RBFOX1: variants seen among roughly 807,000 people sequenced by gnomAD.
The protein encoded by RBFOX1 is RNA binding fox-1 homolog 1, also known as RNA binding protein fox-1 homolog 1.
RBFOX1 carries 8 observed loss-of-function variants against 57.7 expected under a neutral mutation model. That is an observed-to-expected ratio of 0.14 (90% confidence interval 0.08 to 0.25). RBFOX1 has a LOEUF of 0.25. RBFOX1 is among the 10% of genes least tolerant of loss of function. The probability of loss-of-function intolerance (pLI) is 1.00; values close to 1 mark genes in which losing one functional copy is unlikely to be tolerated. For synonymous variants in RBFOX1, 326 were observed against 222.4 expected (o/e 1.47, Z -4.15); for missense variants, 611 against 548.5 (o/e 1.11, Z -1.14).
intron 2 of RBFOX1, among the ~76,000 whole-genome samples, chr16:6,494,095 C>A (rs886331762): frequency 3.9e-5 from 6 of 152,154 alleles, no homozygotes; most frequent in Non-Finnish European, 8.8e-5. Context: ...GTAGCATATG[C>A]AGTTGTAAGA....
intron 4 of RBFOX1, among the ~76,000 whole-genome samples, chr16:7,299,517 C>CTG (rs1293524161): frequency 1.3e-5 from 2 of 152,162 alleles, no homozygotes; most frequent in African/African-American, 4.8e-5. Flanking sequence ...GCAATTGCTG[C>CTG]TGAATGGTTG....
chr16:7,518,205 A>G lies in RBFOX1; in HGVS notation c.86A>G (p.Gln29Arg). Reference sequence around the variant, plus strand: ...ATGGCTCAGCCTTACGCTTCGGCCCAGTTTGCTCCCCCGCAGAACGGTATC... The same window carrying G: ...ATGGCTCAGCCTTACGCTTCGGCCCGGTTTGCTCCCCCGCAGAACGGTATC... The part of the protein sequence containing the change: ...DTMAQPYASA[Q>R]FAPPQNGIPA... The change falls in exon 5 of 16, where the codon CAG becomes CGG. Residue 29 changes from glutamine (Q) to arginine (R), a missense_variant. Gln to Arg is a conservative substitution (Grantham distance 43). Around this residue, in one of 3 missense-constraint regions of RBFOX1, gnomAD observed 245 missense variants for 159.1 expected, o/e 1.54. Coordinates refer to ENST00000550418, the MANE Select transcript of RBFOX1 (RefSeq NM_018723.4). The G allele has an allele frequency of 6.2e-7, 1 of 1,613,962 alleles. No homozygotes were observed. Among genetic ancestry groups the G allele is most frequent in the Non-Finnish European group, 8.5e-7 (1 of 1,179,958 alleles).
At chr16:6,975,859 G>A (rs2086708887) in intron 3 of RBFOX1, among the ~76,000 whole-genome samples, 1 of 152,136 alleles carries the variant, frequency 6.6e-6, no homozygotes, top group South Asian at 2.1e-4. Context: ...GGGTATGGTG[G>A]TGCACACCTG....
At chr16:6,540,159 A>C (rs1343076419) in intron 2 of RBFOX1, among the ~76,000 whole-genome samples, 1 of 152,074 alleles carries the variant, frequency 6.6e-6, no homozygotes, top group Non-Finnish European at 1.5e-5. Flanking sequence ...TGGCTTGGGG[A>C]ATCCTATTTG....
intron 4 of RBFOX1, among the ~76,000 whole-genome samples, chr16:7,105,428 C>G (rs1353699489): frequency 6.6e-6 from 1 of 151,978 alleles, no homozygotes; most frequent in African/African-American, 2.4e-5. Context: ...ACACCCATCA[C>G]TCAAGCAGTA....
chr16:6,622,238 A>G (rs1265654449), intron 2 of RBFOX1, among the ~76,000 whole-genome samples: 1 of 152,210 alleles, frequency 6.6e-6, no homozygotes, highest in Non-Finnish European at 1.5e-5. Flanking sequence ...GCACCACATA[A>G]TGACGTTTCA....
intron 11 of RBFOX1, among the ~76,000 whole-genome samples, chr16:7,638,308 G>A (rs894698048): frequency 1.3e-5 from 2 of 152,154 alleles, no homozygotes; most frequent in Non-Finnish European, 2.9e-5. Flanking sequence ...CCTTTTCTCA[G>A]GAGGAAATTT....
At chr16:5,428,736 G>A (rs1407604045) in intron 1 of RBFOX1, among the ~76,000 whole-genome samples, 2 of 152,092 alleles carry the variant, frequency 1.3e-5, no homozygotes, top group Admixed American at 1.3e-4. Context: ...TGGAGAGGAG[G>A]CCAGGAGGTT....
chr16:5,370,919 C>T (rs1404161140), intron 1 of RBFOX1, among the ~76,000 whole-genome samples: 1 of 152,190 alleles, frequency 6.6e-6, no homozygotes, highest in East Asian at 1.9e-4. Context: ...GTCCATTTCC[C>T]AAATTCACAT....
At chr16:6,766,804 T>C (rs1324328819) in intron 3 of RBFOX1, among the ~76,000 whole-genome samples, 1 of 152,030 alleles carries the variant, frequency 6.6e-6, no homozygotes, top group African/African-American at 2.4e-5. Context: ...TTAGTGACTT[T>C]GGTGAAGTTT....
intron 4 of RBFOX1, among the ~76,000 whole-genome samples, chr16:7,462,174 C>T (rs542417525): frequency 4.6e-5 from 7 of 152,280 alleles, no homozygotes; most frequent in East Asian, 1.9e-4. Flanking sequence ...AGGGAAACAG[C>T]GGGTCACAAA....
chr16:7,101,582 A>G (rs2062701860), intron 4 of RBFOX1, among the ~76,000 whole-genome samples: 1 of 152,186 alleles, frequency 6.6e-6, no homozygotes, highest in Non-Finnish European at 1.5e-5. Flanking sequence ...GTGCTTTTGG[A>G]AAAGATCATA....
At chr16:7,120,978 G>A (rs568234243) in intron 4 of RBFOX1, among the ~76,000 whole-genome samples, 3 of 151,692 alleles carry the variant, frequency 2.0e-5, no homozygotes, top group African/African-American at 4.8e-5. Flanking sequence ...TCAATGTTAT[G>A]TACCATATTA....
intron 4 of RBFOX1, among the ~76,000 whole-genome samples, chr16:7,417,728 T>C (rs62015702): frequency 6.6e-6 from 1 of 151,894 alleles, no homozygotes; most frequent in Non-Finnish European, 1.5e-5. Flanking sequence ...TCCATCTTTA[T>C]AATTTTGTCA....
At chr16:6,956,925 C>T (rs1033000209) in intron 3 of RBFOX1, among the ~76,000 whole-genome samples, 4 of 151,870 alleles carry the variant, frequency 2.6e-5, no homozygotes, top group African/African-American at 9.7e-5. Context: ...GGGTCCAGAT[C>T]CAGACCCCAA....
intron 3 of RBFOX1, among the ~76,000 whole-genome samples, chr16:6,884,883 G>A (rs901937246): frequency 5.3e-5 from 8 of 152,144 alleles, no homozygotes; most frequent in Admixed American, 4.6e-4. Flanking sequence ...GCATGGCAGA[G>A]CAAGGCTCTC....
intron 4 of RBFOX1, among the ~76,000 whole-genome samples, chr16:7,469,281 C>G (rs769765784): frequency 7.2e-5 from 11 of 151,864 alleles, no homozygotes; most frequent in African/African-American, 2.7e-4. Flanking sequence ...TCAGGCTGGT[C>G]TCGAACCCCT....
At chr16:7,164,935 G>C (rs575439724) in intron 4 of RBFOX1, among the ~76,000 whole-genome samples, 1 of 152,280 alleles carries the variant, frequency 6.6e-6, no homozygotes, top group South Asian at 2.1e-4. Flanking sequence ...ATCATCAACT[G>C]GAATAGGATA....
intron 4 of RBFOX1, among the ~76,000 whole-genome samples, chr16:7,142,483 A>C (rs2074033282): frequency 6.6e-6 from 1 of 152,096 alleles, no homozygotes; most frequent in Non-Finnish European, 1.5e-5. Flanking sequence ...GAACAATTTA[A>C]GATTGTGTCC....
Sources: allele counts gnomAD v4.1 joint callset (sites outside exome capture counted in the v4.1 genomes callset), GRCh38; gene constraint gnomAD v4.1.1; regional missense constraint gnomAD v4.1.1; transcripts MANE v1.5; gene names NCBI Gene and HGNC (gene_info 2026-07-23, HGNC 2026-07-21).